PRKCI: variants seen among roughly 807,000 people sequenced by gnomAD.
The protein encoded by PRKCI is protein kinase C iota type.
A neutral mutation model predicts 84.0 loss-of-function variants in PRKCI; 43 were observed. That is an observed-to-expected ratio of 0.51 (90% CI 0.40 to 0.66). The LOEUF (loss-of-function observed/expected upper bound fraction) is 0.66, where lower values mean the gene tolerates loss of function less well. Ranked by LOEUF, PRKCI falls within the 30% of genes least tolerant of loss-of-function variation. PRKCI has a pLI of 0.00. For missense variants in PRKCI, 459 were observed against 745.6 expected, an observed-to-expected ratio of 0.62 and a Z score of 4.48; for synonymous variants, 216 against 234.4, an observed-to-expected ratio of 0.92 and a Z score of 0.72.
At chr3:170,298,914 C>T in intron 16 of PRKCI, 81 bp from the exon 17 acceptor site, 1 of 844,254 alleles carries the variant, frequency 1.2e-6, no homozygotes, top group Non-Finnish European at 2.0e-6. Flanking sequence ...ATAAGGTAAA[C>T]AATGAGTGCA....
In PRKCI at chr3:170,281,979, G is replaced by A. The variant is rs369775187; in HGVS notation, c.1067+11G>A. Reference sequence around the variant, plus strand: ...TGAAGAACATGCCAGGTGAGTTTTTGTTTACTGTTTGTGTTGTTTTCTTTT... The same window carrying A: ...TGAAGAACATGCCAGGTGAGTTTTTATTTACTGTTTGTGTTGTTTTCTTTT... On this transcript the variant is annotated intron_variant, in intron 11 of 17. Transcript: ENST00000295797. The A allele has an allele frequency of 1.7e-5, 28 of 1,609,132 alleles. 1 individual carries two copies. The East Asian group carries it at 5.2e-4, about 30-fold the overall frequency.
At chr3:170,274,645 CAA>C (rs1734073609) in intron 7 of PRKCI, among the ~76,000 whole-genome samples, 1 of 151,974 alleles carries the variant, frequency 6.6e-6, no homozygotes, top group Non-Finnish European at 1.5e-5. Flanking sequence ...AAAGGGAAAA[CAA>C]GGGAGTTTTT....
intron 2 of PRKCI, among the ~76,000 whole-genome samples, chr3:170,238,594 CT>C (rs1231292323): frequency 8.8e-4 from 110 of 125,100 alleles, no homozygotes; most frequent in Middle Eastern, 4.1e-3. Context: ...CATTTCTTTT[CT>C]TTTTTTTTTT....
intron 16 of PRKCI, 82 bp downstream of exon 16, chr3:170,297,475 G>T (rs1734712213): frequency 7.8e-6 from 9 of 1,157,458 alleles, no homozygotes; most frequent in Middle Eastern, 2.7e-4. Context: ...TTTGTTTTTA[G>T]ACAGAGTCTT....
chr3:170,273,739 C>T (rs2108855295), intron 7 of PRKCI, among the ~76,000 whole-genome samples: 1 of 151,694 alleles, frequency 6.6e-6, no homozygotes, highest in Admixed American at 6.6e-5. Context: ...CGCTTGAACC[C>T]AGAAGTTGGA....
chr3:170,263,596 G>A (rs1006324805), intron 4 of PRKCI, among the ~76,000 whole-genome samples, 167 bp downstream of exon 4: 2 of 152,050 alleles, frequency 1.3e-5, no homozygotes, highest in Non-Finnish European at 2.9e-5. Context: ...AAGCCCAGGA[G>A]TTCAAGACCA....
intron 5 of PRKCI, among the ~76,000 whole-genome samples, chr3:170,268,478 T>G (rs979021322): frequency 9.8e-5 from 11 of 112,536 alleles, no homozygotes; most frequent in Admixed American, 7.4e-4. Flanking sequence ...AGACTCAGTT[T>G]CAAAAAAAAA....
At chr3:170,298,155 G>T (rs919954758) in intron 16 of PRKCI, among the ~76,000 whole-genome samples, 1 of 152,016 alleles carries the variant, frequency 6.6e-6, no homozygotes, top group Non-Finnish European at 1.5e-5. Context: ...TTCCAGGGGT[G>T]AGCCACCATG....
chr3:170,299,108 C>A lies in PRKCI; in HGVS notation c.1701C>A (p.Asp567Glu), dbSNP rs371799261. ...TNEPVQLTPD[D>E]DDIVRKIDQS... Reference sequence around the variant, plus strand: ...AACCTGTCCAGCTCACTCCAGATGACGAGTAAGTAATTCTGTACACTGAAA... The same window carrying A: ...AACCTGTCCAGCTCACTCCAGATGAAGAGTAAGTAATTCTGTACACTGAAA... The change falls in exon 17 of 18, where the codon GAC becomes GAA. Residue 567 changes from aspartate to glutamate, a missense_variant and splice_region_variant. Asp to Glu is a conservative substitution (Grantham distance 45). Coordinates refer to ENST00000295797, the MANE Select transcript of PRKCI (RefSeq NM_002740.6). 2 of 1,573,410 alleles carry A rather than the reference C, an allele frequency of 1.3e-6. No homozygotes were observed. The highest frequency in any genetic ancestry group is 1.7e-6 in the Non-Finnish European group (2 of 1,162,542).
chr3:170,247,466 C>T (rs762278350), intron 2 of PRKCI, among the ~76,000 whole-genome samples: 11 of 151,816 alleles, frequency 7.2e-5, no homozygotes, highest in Non-Finnish European at 1.6e-4. Context: ...TGCGGTGGCT[C>T]ACACCTGTAA....
At chr3:170,250,230 A>G (rs991963737) in intron 2 of PRKCI, among the ~76,000 whole-genome samples, 69 of 150,670 alleles carry the variant, frequency 4.6e-4, no homozygotes, top group African/African-American at 1.4e-3. Context: ...CCGAGGTGTC[A>G]CCACCACACT....
intron 16 of PRKCI, 79 bp from the exon 17 acceptor site, chr3:170,298,916 A>C (rs765441793): frequency 1.2e-6 from 1 of 854,714 alleles, no homozygotes; most frequent in Non-Finnish European, 2.0e-6. Context: ...AAGGTAAACA[A>C]TGAGTGCAGA....
chr3:170,230,466 G>A (rs1272379249), intron 1 of PRKCI, among the ~76,000 whole-genome samples: 1 of 152,210 alleles, frequency 6.6e-6, no homozygotes, highest in Non-Finnish European at 1.5e-5. Context: ...AAGTAGCTGG[G>A]ATTACAGGCA....
At chr3:170,289,172 C>T (rs982331638) in intron 12 of PRKCI, among the ~76,000 whole-genome samples, 1 of 152,162 alleles carries the variant, frequency 6.6e-6, no homozygotes, top group Non-Finnish European at 1.5e-5. Flanking sequence ...CATCTCTTAC[C>T]TCTGACTATT....
chr3:170,267,130 C>G (rs145831300), intron 4 of PRKCI, among the ~76,000 whole-genome samples: 2,729 of 151,564 alleles, frequency 0.018, 44 homozygotes, highest in Middle Eastern at 0.055. Context: ...CGGGGGGGTG[C>G]GGAATATCCT....
intron 2 of PRKCI, among the ~76,000 whole-genome samples, chr3:170,253,386 C>G (rs889290027): frequency 6.6e-6 from 1 of 152,162 alleles, no homozygotes; most frequent in Non-Finnish European, 1.5e-5. Flanking sequence ...ACCATTTTAA[C>G]TGGAATGAGA....
At chr3:170,244,977 A>G (rs1733236890) in intron 2 of PRKCI, 1 of 152,148 alleles carries the variant, frequency 6.6e-6, no homozygotes, top group Admixed American at 6.6e-5. Flanking sequence ...CAGGGAAGGG[A>G]GATTAACTTG....
intron 12 of PRKCI, among the ~76,000 whole-genome samples, chr3:170,290,090 A>C (rs1734507244): frequency 6.6e-6 from 1 of 151,866 alleles, no homozygotes; most frequent in African/African-American, 2.4e-5. Context: ...AAAAAAAGGA[A>C]GGCTTGAGTT....
chr3:170,267,123 G>T (rs546147028), intron 4 of PRKCI, among the ~76,000 whole-genome samples: 1 of 152,114 alleles, frequency 6.6e-6, no homozygotes, highest in South Asian at 2.1e-4. Context: ...TGGGTGGCGG[G>T]GGGGTGCGGA....
Sources: gnomAD v4.1 joint callset for allele counts (sites outside exome capture counted in the v4.1 genomes callset) on GRCh38, gnomAD v4.1.1 for gene constraint, MANE v1.5 for transcripts, NCBI Gene and HGNC (gene_info 2026-07-23, HGNC 2026-07-21) for gene names.